Variants in KIF2A observed in about 807,000 individuals in gnomAD.
KIF2A encodes kinesin-like protein KIF2A.
A neutral mutation model predicts 100.2 loss-of-function variants in KIF2A; 22 were observed. The observed-to-expected ratio is 0.22, with a 90% CI of 0.16 to 0.31. The LOEUF (loss-of-function observed/expected upper bound fraction) is 0.31, where lower values mean the gene tolerates loss of function less well. KIF2A is among the 10% of genes least tolerant of loss of function. KIF2A has a pLI of 1.00. For missense variants in KIF2A, 495 were observed against 898.7 expected, an observed-to-expected ratio of 0.55 and a Z score of 5.74; for synonymous variants, 268 against 285.9, an observed-to-expected ratio of 0.94 and a Z score of 0.63.
chr5:62,357,992 A>G (rs1748201435), intron 8 of KIF2A, 145 bp from the exon 9 acceptor site: 3 of 687,058 alleles, frequency 4.4e-6, no homozygotes, highest in Non-Finnish European at 7.2e-6. Flanking sequence ...ATTTTGTCTT[A>G]GTGAGTTGCA....
intron 9 of KIF2A, among the ~76,000 whole-genome samples, chr5:62,360,713 A>G (rs1405681308): frequency 2.0e-5 from 3 of 152,232 alleles, no homozygotes; most frequent in Non-Finnish European, 4.4e-5. Context: ...AATTCAAACC[A>G]TAATATTTAG....
chr5:62,316,336 G>A (rs1745817817), intron 1 of KIF2A, among the ~76,000 whole-genome samples: 1 of 152,204 alleles, frequency 6.6e-6, no homozygotes, highest in South Asian at 2.1e-4. Flanking sequence ...TTTAAGGGAT[G>A]AGGTGTTTTA....
intron 19 of KIF2A, among the ~76,000 whole-genome samples, chr5:62,379,389 G>A (rs1412498951): frequency 1.3e-5 from 2 of 150,366 alleles, no homozygotes; most frequent in Non-Finnish European, 1.5e-5. Context: ...ATGACCAGGC[G>A]TGGTGGCTCA....
intron 19 of KIF2A, among the ~76,000 whole-genome samples, chr5:62,379,662 A>G (rs1303738372): frequency 1.3e-5 from 2 of 151,784 alleles, no homozygotes; most frequent in Non-Finnish European, 2.9e-5. Flanking sequence ...AACTCAGGAA[A>G]AAAAAAAAAA....
rs1167429589 is a variant in KIF2A, at chr5:62,370,936, T to G, written c.1647-1502T>G. On this transcript the variant is annotated intron_variant, in intron 16 of 20. Coordinates refer to ENST00000407818, the MANE Select transcript of KIF2A (RefSeq NM_001098511.3). Reference sequence around the variant, plus strand: ...TAAATTAAAAGATTTAGATAAGAAATGGGGTGGGAGTGAAAATAGTTGTTT... The same window carrying G: ...TAAATTAAAAGATTTAGATAAGAAAGGGGGTGGGAGTGAAAATAGTTGTTT... Among the ~76,000 whole-genome samples the G allele has an allele frequency of 1.3e-5, 2 of 151,958 alleles. 1 individual carries two copies. The highest frequency in any genetic ancestry group is 1.3e-4 in the Admixed American group (2 of 15,238).
At chr5:62,366,035 A>G (rs1741051347) in intron 15 of KIF2A, among the ~76,000 whole-genome samples, 2 of 152,102 alleles carry the variant, frequency 1.3e-5, no homozygotes, top group South Asian at 4.1e-4. Context: ...TTTCTTTACC[A>G]GAGAGACTGC....
At position 62,381,577 on chromosome 5, in the gene KIF2A, G is replaced by A. The variant is rs529166663; in HGVS notation, c.2149+324G>A. On this transcript the variant is annotated intron_variant, in intron 20 of 20. Transcript: ENST00000407818. ...TGCTTATGAGAATTATCTTCTTTCT[G>A]TGCCTTTTTTCGGGTCTCATTCTGT... 1.2e-4 allele frequency among the ~76,000 whole-genome samples: 18 copies of A among 152,220 alleles called. 2 individuals are homozygous for A. The South Asian group carries it at 3.7e-3, about 32-fold the overall frequency.
intron 1 of KIF2A, among the ~76,000 whole-genome samples, chr5:62,337,813 TAA>T (rs59410551): frequency 5.9e-5 from 8 of 136,398 alleles, no homozygotes; most frequent in African/African-American, 1.1e-4. Context: ...CCCGAACTCT[TAA>T]AAAAAAAAAA....
At chr5:62,372,219 A>G (rs549196920) in intron 16 of KIF2A, among the ~76,000 whole-genome samples, 1 of 152,340 alleles carries the variant, frequency 6.6e-6, no homozygotes, top group Non-Finnish European at 1.5e-5. Context: ...TACACCAGAA[A>G]GGAAAGACTT....
intron 1 of KIF2A, among the ~76,000 whole-genome samples, chr5:62,342,927 T>G (rs1299096255): frequency 6.6e-6 from 1 of 151,922 alleles, no homozygotes; most frequent in Non-Finnish European, 1.5e-5. Flanking sequence ...TAATTTTGTA[T>G]TTTTAGTAGA....
intron 1 of KIF2A, among the ~76,000 whole-genome samples, chr5:62,310,611 T>C (rs1745512798): frequency 6.6e-6 from 1 of 152,230 alleles, no homozygotes; most frequent in Admixed American, 6.5e-5. Context: ...AGTCAGGAAC[T>C]ACAGCGTTAA....
intron 19 of KIF2A, among the ~76,000 whole-genome samples, chr5:62,378,160 A>G (rs1182008620): frequency 1.3e-5 from 2 of 152,228 alleles, no homozygotes; most frequent in Non-Finnish European, 2.9e-5. Context: ...AAGAGAGACT[A>G]CTTACTTCAG....
intron 6 of KIF2A, among the ~76,000 whole-genome samples, chr5:62,354,470 T>A (rs1233267633): frequency 6.6e-6 from 1 of 152,180 alleles, no homozygotes; most frequent in Non-Finnish European, 1.5e-5. Flanking sequence ...TAATTTATTG[T>A]TCAAGGCTAG....
intron 20 of KIF2A, among the ~76,000 whole-genome samples, chr5:62,384,205 C>T (rs868862686): frequency 8.5e-5 from 13 of 152,100 alleles, no homozygotes; most frequent in Admixed American, 3.3e-4. Flanking sequence ...GCCGAGATCA[C>T]GCCACTGCAC....
chr5:62,328,596 A>G (rs1464721074), intron 1 of KIF2A, among the ~76,000 whole-genome samples: 1 of 151,876 alleles, frequency 6.6e-6, no homozygotes, highest in Non-Finnish European at 1.5e-5. Flanking sequence ...GGTTCAAGTG[A>G]TTCTCCTGCC....
In KIF2A at chr5:62,363,597, C is replaced by G. The variant is rs190123555; in HGVS notation, c.1263-98C>G. 8 of 1,060,674 alleles carry G rather than the reference C, an allele frequency of 7.5e-6. No individual in the cohort carries two copies. In the South Asian group the frequency reaches 1.1e-4, roughly 14 times the overall value. The allele number at this position is 1,060,674 out of a possible 1,614,324, so 65.7% of individuals were successfully genotyped here. A position where few individuals can be genotyped will look rare whatever the true frequency, so the allele number is the denominator to read the frequency against. On this transcript the variant is annotated intron_variant, in intron 13 of 20. Coordinates refer to ENST00000407818, the MANE Select transcript of KIF2A (RefSeq NM_001098511.3). Reference sequence around the variant, plus strand: ...TTTAAAAGATGAAAACTAGCTAAATCGATGTTTTTGCTGCTGTTGTTTTTA... The same window carrying G: ...TTTAAAAGATGAAAACTAGCTAAATGGATGTTTTTGCTGCTGTTGTTTTTA...
Position 62,352,672 on chromosome 5 carries a change from C to T in KIF2A, c.419C>T (p.Ser140Phe). The T allele has an allele frequency of 6.2e-7, 1 of 1,611,114 alleles. No individual in the cohort carries two copies. Among genetic ancestry groups the T allele is most frequent in the Non-Finnish European group, 8.5e-7 (1 of 1,178,316 alleles). ...CAGAATGGTAGTGTTTCAGATATAT[C>T]TCCAGTTCAAGCTGCAAAAAAGGAA... ...AQQNGSVSDI[S>F]PVQAAKKEFG... Residue 140 changes from serine to phenylalanine, a missense_variant, in exon 5 of 21, where the codon TCT (serine) becomes TTT (phenylalanine). Around this residue, in one of 10 missense-constraint regions of KIF2A, gnomAD observed 115 missense variants for 143.6 expected, o/e 0.80. Transcript: ENST00000407818.
chr5:62,331,244 T>C (rs1293391913), intron 1 of KIF2A, among the ~76,000 whole-genome samples: 1 of 151,892 alleles, frequency 6.6e-6, no homozygotes, highest in Non-Finnish European at 1.5e-5. Context: ...AAACCACATC[T>C]CTACTAAAAA....
Position 62,355,253 on chromosome 5 carries a change from C to T in KIF2A, c.653C>T (p.Pro218Leu), listed in dbSNP as rs143966710. The T allele has an allele frequency of 1.4e-6, 2 of 1,439,906 alleles. No individual in the cohort carries two copies. The highest frequency in any genetic ancestry group is 1.4e-5 in the African/African-American group (1 of 70,840). The allele number at this position is 1,439,906 out of a possible 1,614,324, so 89.2% of individuals were successfully genotyped here. A position where few individuals can be genotyped will look rare whatever the true frequency, so the allele number is the denominator to read the frequency against. ...TATAGACCATTAACAACAGCAGATC[C>T]TGTAAGATTCTTTGTAAACCATTAT... ...LDYRPLTTAD[P>L]IDEHRICVCV... The change falls in exon 7 of 21, where the codon CCT becomes CTT. Residue 218 changes from proline to leucine, a missense_variant and splice_region_variant. By Grantham distance (98) the Pro-to-Leu change is moderately conservative. Around this residue, in one of 10 missense-constraint regions of KIF2A, gnomAD observed 109 missense variants for 244.2 expected, o/e 0.45. Transcript: ENST00000407818.
Sources: allele counts gnomAD v4.1 joint callset (sites outside exome capture counted in the v4.1 genomes callset), GRCh38; gene constraint gnomAD v4.1.1; regional missense constraint gnomAD v4.1.1; transcripts MANE v1.5; gene names NCBI Gene and HGNC (gene_info 2026-07-23, HGNC 2026-07-21).